The following IBA57 variants were observed in gnomAD, a reference collection of about 807,000 sequenced individuals.
IBA57 encodes iron-sulfur cluster assembly factor IBA57.
Under a neutral mutation model 20.4 loss-of-function variants are expected in IBA57, and 20 were observed. The ratio of observed to expected loss-of-function variants is 0.98; its 90% confidence interval spans 0.69 to 1.42. IBA57 has a LOEUF of 1.42. IBA57 is among the 40% of genes most tolerant of loss of function. IBA57 has a pLI of 0.00. For synonymous variants in IBA57, 310 were observed against 233.9 expected (o/e 1.33, Z -2.97); for missense variants, 608 against 499.3 (o/e 1.22, Z -2.07).
At chr1:228,175,094 G>T in intron 2 of IBA57, 28 bp from the exon 3 acceptor site, 18 of 1,598,102 alleles carry the variant, frequency 1.1e-5, no homozygotes, top group Non-Finnish European at 1.5e-5. Context: ...TTCAATTCTC[G>T]CTGGTTTCCC....
chr1:228,173,674 C>A, intron 1 of IBA57, among the ~76,000 whole-genome samples: 1 of 152,162 alleles, frequency 6.6e-6, no homozygotes. Context: ...GACCCTTGGG[C>A]TCCTCGATGG....
chr1:228,177,857 C>T lies in IBA57; in HGVS notation c.*2344C>T, dbSNP rs1357622000. Reference sequence around the variant, plus strand: ...TCTCAGAAAGGCCTGGCCTTTAGGACCTTGGAAGCAGGCCCTAAAGCGCAT... The same window carrying T: ...TCTCAGAAAGGCCTGGCCTTTAGGATCTTGGAAGCAGGCCCTAAAGCGCAT... On this transcript the variant is annotated 3_prime_UTR_variant, in exon 3 of 3. Transcript: ENST00000366711. 1 of 152,204 alleles carries T rather than the reference C, an allele frequency of 6.6e-6. No individual in the cohort carries two copies. Among genetic ancestry groups the T allele is most frequent in the African/African-American group, 2.4e-5 (1 of 41,434 alleles). 9.4% of individuals were successfully genotyped at this position (152,204 alleles called of 1,614,324 possible).
rs951345105 is a variant in IBA57, at chr1:228,175,289, C to T, written c.847C>T (p.Arg283Trp). The change falls in exon 3 of 3, where the codon CGG (arginine) becomes TGG (tryptophan). Residue 283 changes from arginine to tryptophan, a missense_variant. Physicochemically the swap from Arg to Trp is moderately radical, Grantham distance 101. Coordinates refer to ENST00000366711, the MANE Select transcript of IBA57 (RefSeq NM_001010867.4). Reference sequence around the variant, plus strand: ...CATCCGCAAGCGCCTCTTCCCTGTCCGGTTCTTGGACCCCCTTCCCACCAG... The same window carrying T: ...CATCCGCAAGCGCCTCTTCCCTGTCTGGTTCTTGGACCCCCTTCCCACCAG... ...GVIRKRLFPV[R>W]FLDPLPTSGI... is the part of the protein sequence containing the mutation. 2.3e-5 allele frequency: 37 copies of T among 1,612,706 alleles called. No individual in the cohort carries two copies. Among genetic ancestry groups the T allele is most frequent in the Non-Finnish European group, 3.1e-5 (36 of 1,179,976 alleles).
Position 228,178,794 on chromosome 1 carries a change from G to A in IBA57, c.*3281G>A, listed in dbSNP as rs111325737. 3,714 of 152,258 alleles carry A rather than the reference G, an allele frequency of 0.024. 89 individuals are homozygous for A. The highest frequency in any genetic ancestry group is 0.061 in the African/African-American group (2,515 of 41,522). 9.4% of individuals were successfully genotyped at this position (152,258 alleles called of 1,614,324 possible). ...CCTGTTCTGTGTTCTTGTATGAGGCGGTCAGTCAAGCGCAGCCCGAGAGGA... is the reference window on the plus strand; with the variant it reads ...CCTGTTCTGTGTTCTTGTATGAGGCAGTCAGTCAAGCGCAGCCCGAGAGGA... On this transcript the variant is annotated 3_prime_UTR_variant, in exon 3 of 3. Transcript: ENST00000366711.
In IBA57 at chr1:228,180,264, C is replaced by T. The variant is rs1174485374; in HGVS notation, c.*4751C>T. 3 of 151,054 alleles carry T rather than the reference C, an allele frequency of 2.0e-5. No individual in the cohort carries two copies. The highest frequency in any genetic ancestry group is 4.4e-5 in the Non-Finnish European group (3 of 67,932). 9.4% of individuals were successfully genotyped at this position (151,054 alleles called of 1,614,324 possible). A position where few individuals can be genotyped will look rare whatever the true frequency, so the allele number is the denominator to read the frequency against. On this transcript the variant is annotated 3_prime_UTR_variant, in exon 3 of 3. Transcript: ENST00000366711. ...CCAGCAGAGCCTAGAGCGTCTAAGG[C>T]ATGTCTGGGCTTCTGGCGAGGGATC... is the stretch of plus-strand genomic sequence containing the variant.
At position 228,177,000 on chromosome 1, in the gene IBA57, C is replaced by T. The variant is rs547322422; in HGVS notation, c.*1487C>T. Reference sequence around the variant, plus strand: ...GGACAGGTCATGGTCTGGAAGCGCCCAGCGCAGGATGGATTCCAGACCAGC... The same window carrying T: ...GGACAGGTCATGGTCTGGAAGCGCCTAGCGCAGGATGGATTCCAGACCAGC... On this transcript the variant is annotated 3_prime_UTR_variant, in exon 3 of 3. Transcript: ENST00000366711. 1 of 152,422 alleles carries T rather than the reference C, an allele frequency of 6.6e-6. No homozygotes were observed. Among genetic ancestry groups the T allele is most frequent in the South Asian group, 2.1e-4 (1 of 4,834 alleles). 9.4% of individuals were successfully genotyped at this position (152,422 alleles called of 1,614,324 possible).
chr1:228,175,336 G>A lies in IBA57; in HGVS notation c.894G>A (p.Thr298=), dbSNP rs142711871. The stretch of plus-strand genomic sequence containing the variant: ...CCAGTGGCATCACCCCTGGTGCCAC[G>A]GTGCTGACTGCCTCAGGACAGACTG... ...LPTSGITPGA[T]VLTASGQTVG... Residue 298 remains threonine, a synonymous_variant, in exon 3 of 3, where the codon ACG becomes ACA. Coordinates refer to ENST00000366711, the MANE Select transcript of IBA57 (RefSeq NM_001010867.4). The A allele has an allele frequency of 6.4e-5, 103 of 1,612,820 alleles. No homozygotes were observed. Among genetic ancestry groups the A allele is most frequent in the Middle Eastern group, 1.6e-4 (1 of 6,084 alleles).
At chr1:228,172,141 T>C (rs1272434408) in intron 1 of IBA57, 5 of 16,122 alleles carry the variant, frequency 3.1e-4, no homozygotes, top group African/African-American at 4.2e-4. Context: ...TCACAGGAAG[T>C]TGCAAAAAAA....
chr1:228,167,795 T>C (rs2034872000), intron 1 of IBA57, among the ~76,000 whole-genome samples: 1 of 152,240 alleles, frequency 6.6e-6, no homozygotes, highest in African/African-American at 2.4e-5. Flanking sequence ...AGTTCAGAGA[T>C]ATAGTCATCA....
Position 228,170,204 on chromosome 1 carries a change from A to G in IBA57, c.341+4047A>G, listed in dbSNP as rs1170657970. On this transcript the variant is annotated intron_variant, in intron 1 of 2. Coordinates refer to ENST00000366711, the MANE Select transcript of IBA57 (RefSeq NM_001010867.4). This position sits in a 1 kb window ranked among gnomAD's most constrained non-coding sequence, Gnocchi z 4.8. The stretch of plus-strand genomic sequence containing the variant: ...TTCTTTTAGTACTGGTTAGTATTCC[A>G]TTGGATGGACCACAGTTTATTTGTC... Among the ~76,000 whole-genome samples the G allele has an allele frequency of 1.3e-5, 2 of 152,204 alleles. No homozygotes were observed. The highest frequency in any genetic ancestry group is 2.9e-5 in the Non-Finnish European group (2 of 68,046).
chr1:228,175,170 T>C lies in IBA57; in HGVS notation c.728T>C (p.Leu243Pro). ...RDLPPGVALP[L>P]ESNLAFMNGV... ...TTGCCTCCTGGGGTGGCCCTGCCCC[T>C]GGAGTCCAACCTGGCCTTCATGAAC... Residue 243 changes from leucine (L) to proline (P), a missense_variant, in exon 3 of 3, where the codon CTG becomes CCG. Transcript: ENST00000366711. 1.9e-6 allele frequency: 3 copies of C among 1,612,886 alleles called. No homozygotes were observed. Among genetic ancestry groups the C allele is most frequent in the Middle Eastern group, 1.6e-4 (1 of 6,062 alleles).
intron 1 of IBA57, chr1:228,173,467 C>G (rs896461256): frequency 1.6e-5 from 2 of 125,248 alleles, no homozygotes; most frequent in African/African-American, 6.0e-5. Context: ...GGTCAGGGGT[C>G]ATTCTTGTGG....
chr1:228,173,748 G>A (rs938133285), intron 1 of IBA57, among the ~76,000 whole-genome samples: 9 of 152,190 alleles, frequency 5.9e-5, no homozygotes, highest in African/African-American at 1.9e-4. Context: ...CCCCTGCGGG[G>A]CCCTGCCCAT....
rs1021328419 is a variant in IBA57 at position 228,166,157 on chromosome 1, G to A, written c.341G>A (p.Gly114Glu). Residue 114 changes from glycine (G) to glutamate (E), a missense_variant and splice_region_variant, in exon 1 of 3, where the codon GGG (glycine) becomes GAG (glutamate). By Grantham distance (98) the Gly-to-Glu change is moderately conservative. Transcript: ENST00000366711. ...ACGCTCTATGACGTCATCTTGTACG[G>A]GTGAGCGCGTGCTGGGAGGGCGCTC... ...GRTLYDVILY[G>E]LQEHSEVSGF... 1.3e-6 allele frequency: 2 copies of A among 1,483,508 alleles called. No homozygotes were observed. The highest frequency in any genetic ancestry group is 1.8e-6 in the Non-Finnish European group (2 of 1,113,760). The allele number at this position is 1,483,508 out of a possible 1,614,324, so 91.9% of individuals were successfully genotyped here. A position where few individuals can be genotyped will look rare whatever the true frequency, so the allele number is the denominator to read the frequency against.
intron 1 of IBA57, 59 bp downstream of exon 1, chr1:228,166,216 G>C: frequency 3.1e-6 from 4 of 1,300,072 alleles, no homozygotes; most frequent in Non-Finnish European, 4.0e-6. Context: ...GCCAGGGACC[G>C]GCACCCAGGG....
At position 228,178,346 on chromosome 1, in the gene IBA57, GC is replaced by G. The variant is rs1207636108; in HGVS notation, c.*2835del. The stretch of plus-strand genomic sequence containing the variant: ...GCCTGTGATCCCAGCACTTTGGGAG[GC>G]CGAGGCAGGAGGATTGCTTGAGCCC... On this transcript the variant is annotated 3_prime_UTR_variant, in exon 3 of 3. Transcript: ENST00000366711. 6.6e-6 allele frequency: 1 copy of G among 152,272 alleles called. No homozygotes were observed. Among genetic ancestry groups the G allele is most frequent in the African/African-American group, 2.4e-5 (1 of 41,438 alleles). 9.4% of individuals were successfully genotyped at this position (152,272 alleles called of 1,614,324 possible). A position where few individuals can be genotyped will look rare whatever the true frequency, so the allele number is the denominator to read the frequency against.
At chr1:228,166,885 C>T (rs995393110) in intron 1 of IBA57, among the ~76,000 whole-genome samples, 2 of 152,190 alleles carry the variant, frequency 1.3e-5, no homozygotes. Flanking sequence ...GGTTCTTGTT[C>T]TCTTCAGCTT....
chr1:228,168,351 C>T lies in IBA57; in HGVS notation c.341+2194C>T, dbSNP rs117402908. ...TTGACTGCGTATGTTATGCATAAGG[C>T]TTCCAGTCAACAGGAGTCTGTTAGT... On this transcript the variant is annotated intron_variant, in intron 1 of 2. Transcript: ENST00000366711. Among the ~76,000 whole-genome samples, 151 of 152,314 alleles carry T rather than the reference C, an allele frequency of 9.9e-4. 4 individuals carry two copies. The East Asian group carries it at 0.025, about 25-fold the overall frequency.
In IBA57 at chr1:228,174,899, C is replaced by T. The variant is rs1221311820; in HGVS notation, c.549C>T (p.Ala183=). The stretch of plus-strand genomic sequence containing the variant: ...TGCAGGAGAGGGCAGGGGCTGCCGC[C>T]ATCCTCATCCGCGACCCGCGAACAG... The part of the protein sequence containing the change: ...ASLQERAGAA[A]ILIRDPRTAR... The change falls in exon 2 of 3, where the codon GCC becomes GCT. Residue 183 remains alanine (A), a synonymous_variant. Transcript: ENST00000366711. 2.5e-6 allele frequency: 4 copies of T among 1,603,578 alleles called. No homozygotes were observed. In the South Asian group the frequency reaches 3.3e-5, roughly 13 times the overall value.
Sources: allele counts gnomAD v4.1 joint callset (sites outside exome capture counted in the v4.1 genomes callset), GRCh38; gene constraint gnomAD v4.1.1; non-coding constraint Gnocchi (gnomAD v3.1); transcripts MANE v1.5; gene names NCBI Gene and HGNC (gene_info 2026-07-23, HGNC 2026-07-21).